Variants in ERC2 observed in about 807,000 individuals in gnomAD.
The protein encoded by ERC2 is ELKS/RAB6-interacting/CAST family member 2.
A neutral mutation model predicts 114.8 loss-of-function variants in ERC2; 42 were observed. The ratio of observed to expected loss-of-function variants is 0.37; its 90% CI spans 0.29 to 0.47. The LOEUF (loss-of-function observed/expected upper bound fraction) is 0.47. Among genes scored for constraint, ERC2 ranks in the 20% least tolerant of loss-of-function variants. The pLI is 0.99. For missense variants in ERC2, 939 were observed against 1,150.7 expected, an observed-to-expected ratio of 0.82 and a Z score of 2.66; for synonymous variants, 454 against 425.5, an observed-to-expected ratio of 1.07 and a Z score of -0.82.
At chr3:56,171,843 C>CTTTTTT (rs34797642) in intron 4 of ERC2, among the ~76,000 whole-genome samples, 1 of 139,224 alleles carries the variant, frequency 7.2e-6, no homozygotes, top group Admixed American at 7.2e-5. Flanking sequence ...GAAACTCGCT[C>CTTTTTT]TTTTTTTTTT....
chr3:56,070,369 C>T (rs1419805048), intron 7 of ERC2, among the ~76,000 whole-genome samples: 1 of 152,070 alleles, frequency 6.6e-6, no homozygotes, highest in Non-Finnish European at 1.5e-5. Context: ...TGTCAAGATG[C>T]CTGTACCCGT....
chr3:56,253,247 T>TA (rs1215227202), intron 3 of ERC2, among the ~76,000 whole-genome samples: 1 of 152,230 alleles, frequency 6.6e-6, no homozygotes, highest in Non-Finnish European at 1.5e-5. Context: ...TAAATACAAG[T>TA]AATCCCAGCT....
chr3:55,985,989 C>T lies in ERC2; in HGVS notation c.2256-1G>A, dbSNP rs535664734. On this transcript the variant is annotated splice_acceptor_variant, in intron 11 of 17. Transcript: ENST00000288221. LOFTEE classifies it high-confidence loss of function. ...TGAAATTACTGACCTGAGAGTCAAG[C>T]TGATTGGAGCAAGGGTGAAAGCAGC... 1 of 1,540,004 alleles carries T rather than the reference C, an allele frequency of 6.5e-7. No individual in the cohort carries two copies. Among genetic ancestry groups the T allele is most frequent in the East Asian group, 2.4e-5 (1 of 41,210 alleles).
In ERC2 at chr3:55,704,542, T is replaced by A. The variant is rs562213977; in HGVS notation, c.2713-5030A>T. Among the ~76,000 whole-genome samples, 423 of 152,344 alleles carry A rather than the reference T, an allele frequency of 2.8e-3. 2 individuals are homozygous for A. The highest frequency in any genetic ancestry group is 5.1e-3 in the Admixed American group (78 of 15,298). On this transcript the variant is annotated intron_variant, in intron 15 of 17. Coordinates refer to ENST00000288221, the MANE Select transcript of ERC2 (RefSeq NM_015576.3). The stretch of plus-strand genomic sequence containing the variant: ...CTTCTACTGTCTTGTTTCCACCTAA[T>A]CAGAGCAAGGTGAACAGCTCTTGTC...
At chr3:56,424,122 G>A (rs1427872573) in intron 2 of ERC2, among the ~76,000 whole-genome samples, 1 of 152,184 alleles carries the variant, frequency 6.6e-6, no homozygotes, top group Non-Finnish European at 1.5e-5. Flanking sequence ...AATTCTCTGA[G>A]GATGCTGTCG....
chr3:56,229,661 A>G (rs2050477306), intron 3 of ERC2, among the ~76,000 whole-genome samples: 1 of 152,164 alleles, frequency 6.6e-6, no homozygotes, highest in Admixed American at 6.5e-5. Flanking sequence ...TTCTAGTCTT[A>G]TTATGAGGCT....
Position 56,276,474 on chromosome 3 carries a change from A to AAAAAAAAAAAAAAAAAAAAAAAC in ERC2, c.1074+19544_1074+19545insGTTTTTTTTTTTTTTTTTTTTTT, listed in dbSNP as rs1446116012. ...CAAACTCAGCTAAAAAAAAAAAAAA[A>AAAAAAAAAAAAAAAAAAAAAAAC]AAACAAACTCAGTCATTCATCTGGC... On this transcript the variant is annotated intron_variant, in intron 3 of 17. Transcript: ENST00000288221. Among the ~76,000 whole-genome samples the AAAAAAAAAAAAAAAAAAAAAAAC allele has an allele frequency of 2.7e-4, 39 of 146,988 alleles. 2 individuals are homozygous for AAAAAAAAAAAAAAAAAAAAAAAC. Among genetic ancestry groups the AAAAAAAAAAAAAAAAAAAAAAAC allele is most frequent in the Middle Eastern group, 3.3e-3 (1 of 302 alleles).
chr3:56,417,509 A>G (rs907401924), intron 2 of ERC2, among the ~76,000 whole-genome samples: 2 of 152,198 alleles, frequency 1.3e-5, no homozygotes, highest in African/African-American at 4.8e-5. Flanking sequence ...AAACTCTCCT[A>G]GCCATTCCTA....
At chr3:56,093,101 TA>T (rs2149789006) in intron 6 of ERC2, among the ~76,000 whole-genome samples, 1 of 152,332 alleles carries the variant, frequency 6.6e-6, no homozygotes, top group South Asian at 2.1e-4. Context: ...TTGTTAGGGT[TA>T]AACCCATGTT....
chr3:55,994,244 T>C (rs1157502498), intron 10 of ERC2, among the ~76,000 whole-genome samples: 2 of 152,236 alleles, frequency 1.3e-5, no homozygotes, highest in African/African-American at 4.8e-5. Context: ...TCAAAACAAA[T>C]GAATACGTAT....
chr3:56,154,492 C>A (rs959068755), intron 4 of ERC2, among the ~76,000 whole-genome samples: 1 of 152,154 alleles, frequency 6.6e-6, no homozygotes, highest in African/African-American at 2.4e-5. Context: ...GCCCTTGGAA[C>A]ACATCCTTCC....
chr3:56,243,752 T>C (rs2051481884), intron 3 of ERC2, among the ~76,000 whole-genome samples: 4 of 152,166 alleles, frequency 2.6e-5, no homozygotes, highest in Admixed American at 2.6e-4. Context: ...CCTGGCTGTA[T>C]TGTCCATGCT....
At chr3:55,569,622 A>C (rs2056587480) in intron 17 of ERC2, among the ~76,000 whole-genome samples, 1 of 152,214 alleles carries the variant, frequency 6.6e-6, no homozygotes, top group Non-Finnish European at 1.5e-5. Context: ...GATGTGCCTG[A>C]AACTCCTCTT....
intron 17 of ERC2, among the ~76,000 whole-genome samples, chr3:55,664,418 A>G (rs1409997775): frequency 1.3e-5 from 2 of 152,182 alleles, no homozygotes; most frequent in African/African-American, 2.4e-5. Flanking sequence ...TTCGTCATAC[A>G]TTCTGTTCGC....
intron 7 of ERC2, among the ~76,000 whole-genome samples, chr3:56,023,007 TGG>T (rs1017981466): frequency 1.3e-5 from 2 of 152,154 alleles, no homozygotes; most frequent in African/African-American, 4.8e-5. Flanking sequence ...CTAATCCTAA[TGG>T]CTTTAGCTGA....
At chr3:55,858,780 G>C (rs188427628) in intron 14 of ERC2, among the ~76,000 whole-genome samples, 1 of 152,144 alleles carries the variant, frequency 6.6e-6, no homozygotes, top group Non-Finnish European at 1.5e-5. Context: ...GGCAGGGTCC[G>C]GGCCAGCCTC....
At position 55,715,587 on chromosome 3, in the gene ERC2, G is replaced by A. The variant is rs1014236594; in HGVS notation, c.2713-16075C>T. Among the ~76,000 whole-genome samples the A allele has an allele frequency of 3.3e-5, 5 of 152,082 alleles. 1 individual carries two copies. In the South Asian group the frequency reaches 6.2e-4, roughly 19 times the overall value. On this transcript the variant is annotated intron_variant, in intron 15 of 17. Transcript: ENST00000288221. ...CAGCATGTGCCTGGGGACACTGCCAGCCAAGTCCTACCCTACAAAACAAAA... is the reference window on the plus strand; with the variant it reads ...CAGCATGTGCCTGGGGACACTGCCAACCAAGTCCTACCCTACAAAACAAAA...
Position 56,346,594 on chromosome 3 carries a change from A to G in ERC2, c.658-50159T>C, listed in dbSNP as rs1243589840. Among the ~76,000 whole-genome samples, 3 of 152,348 alleles carry G rather than the reference A, an allele frequency of 2.0e-5. No individual in the cohort carries two copies. The East Asian group carries it at 5.8e-4, about 29-fold the overall frequency. On this transcript the variant is annotated intron_variant, in intron 2 of 17. Coordinates refer to ENST00000288221, the MANE Select transcript of ERC2 (RefSeq NM_015576.3). ...TGAATAGGCATGGATGTATTCTAATAAAACTTTATTTACATAAATATGCAT... is the reference window on the plus strand; with the variant it reads ...TGAATAGGCATGGATGTATTCTAATGAAACTTTATTTACATAAATATGCAT...
At position 55,508,478 on chromosome 3, in the gene ERC2, G is replaced by A. The variant is rs977392669; in HGVS notation, c.*2838C>T. 6.6e-6 allele frequency: 1 copy of A among 152,488 alleles called. No individual in the cohort carries two copies. The highest frequency in any genetic ancestry group is 2.4e-5 in the African/African-American group (1 of 41,392). 9.4% of individuals were successfully genotyped at this position (152,488 alleles called of 1,614,324 possible). ...ATACATGCCCACTGGTAGTTTCCAG[G>A]GTTCCTTAGTTTTATTTATTTATTT... On this transcript the variant is annotated 3_prime_UTR_variant, in exon 18 of 18. Transcript: ENST00000288221.
Sources: gnomAD v4.1 joint callset for allele counts (sites outside exome capture counted in the v4.1 genomes callset) on GRCh38, gnomAD v4.1.1 for gene constraint, MANE v1.5 for transcripts, NCBI Gene and HGNC (gene_info 2026-07-23, HGNC 2026-07-21) for gene names.